HMCN1: variants seen among roughly 807,000 people sequenced by gnomAD.
The protein encoded by HMCN1 is hemicentin-1.
HMCN1 carries 321 observed loss-of-function variants against 625.9 expected under a neutral mutation model. That is an observed-to-expected ratio of 0.51 (90% confidence interval 0.47 to 0.56). The LOEUF (loss-of-function observed/expected upper bound fraction) is 0.56. Among genes scored for constraint, HMCN1 ranks in the 20% least tolerant of loss-of-function variants. The pLI is 0.00. For missense variants in HMCN1, 6,588 were observed against 6,887.3 expected (o/e 0.96, Z 1.54); for synonymous variants, 2,425 against 2,417.6 (o/e 1.00, Z -0.09).
At chr1:185,982,816 A>G (rs866047618) in intron 18 of HMCN1, among the ~76,000 whole-genome samples, 1 of 152,122 alleles carries the variant, frequency 6.6e-6, no homozygotes, top group Non-Finnish European at 1.5e-5. Context: ...ATATACAAAA[A>G]TATGTTTTTA....
intron 102 of HMCN1, among the ~76,000 whole-genome samples, chr1:186,173,012 C>G (rs753156586): frequency 6.6e-6 from 1 of 151,982 alleles, no homozygotes. Context: ...AGCAAGAAAG[C>G]CTTGTATAAG....
chr1:185,886,727 A>G (rs925997376), intron 4 of HMCN1, among the ~76,000 whole-genome samples: 3 of 152,054 alleles, frequency 2.0e-5, no homozygotes, highest in Non-Finnish European at 4.4e-5. Context: ...TCATCACTTC[A>G]CACCTGGATT....
intron 97 of HMCN1, among the ~76,000 whole-genome samples, chr1:186,156,403 G>A (rs1245232527): frequency 6.6e-6 from 1 of 152,134 alleles, no homozygotes; most frequent in Admixed American, 6.6e-5. Context: ...TCACAAAAGA[G>A]TAAATAATGA....
At chr1:185,829,325 G>A (rs1007679087) in intron 1 of HMCN1, among the ~76,000 whole-genome samples, 1 of 151,234 alleles carries the variant, frequency 6.6e-6, no homozygotes, top group Non-Finnish European at 1.5e-5. Context: ...TGTACAGAAC[G>A]TGCAGGTTTG....
intron 1 of HMCN1, among the ~76,000 whole-genome samples, chr1:185,767,312 T>A (rs1385405132): frequency 6.6e-6 from 1 of 152,218 alleles, no homozygotes; most frequent in African/African-American, 2.4e-5. Context: ...AGCAAAGGCA[T>A]GATATTGATC....
chr1:185,923,703 G>T (rs752099893), intron 8 of HMCN1, 50 bp downstream of exon 8: 1 of 1,449,824 alleles, frequency 6.9e-7, no homozygotes, highest in Admixed American at 1.7e-5. Flanking sequence ...TTAAGAGGGT[G>T]ATGTTGTCCC....
At position 186,151,417 on chromosome 1, in the gene HMCN1, A is replaced by C. The variant is rs906299500; in HGVS notation, c.14758+68A>C. On this transcript the variant is annotated intron_variant, in intron 94 of 106. Coordinates refer to ENST00000271588, the MANE Select transcript of HMCN1 (RefSeq NM_031935.3). ...ATTCTTCATCTTATTACTTCCATTAAAGTTCTAGAGAATGCTACTACTAAC... is the reference window on the plus strand; with the variant it reads ...ATTCTTCATCTTATTACTTCCATTACAGTTCTAGAGAATGCTACTACTAAC... 2.2e-5 allele frequency: 32 copies of C among 1,476,850 alleles called. 2 individuals carry two copies. The highest frequency in any genetic ancestry group is 1.5e-4 in the Admixed American group (9 of 58,998). 91.5% of individuals were successfully genotyped at this position (1,476,850 alleles called of 1,614,324 possible).
chr1:185,924,367 A>G (rs1667165262), intron 8 of HMCN1, among the ~76,000 whole-genome samples: 1 of 151,788 alleles, frequency 6.6e-6, no homozygotes, highest in Non-Finnish European at 1.5e-5. Context: ...AGTAGCTGGG[A>G]CTACAGGCGC....
At chr1:185,809,058 TG>T (rs1659347035) in intron 1 of HMCN1, among the ~76,000 whole-genome samples, 1 of 152,190 alleles carries the variant, frequency 6.6e-6, no homozygotes, top group African/African-American at 2.4e-5. Context: ...ACTTACCTAA[TG>T]ATAGTATTCG....
chr1:185,805,020 A>G (rs1032629428), intron 1 of HMCN1, among the ~76,000 whole-genome samples: 3 of 152,166 alleles, frequency 2.0e-5, no homozygotes, highest in Non-Finnish European at 4.4e-5. Context: ...GGAATTGTAC[A>G]CCTGACAGAT....
intron 4 of HMCN1, among the ~76,000 whole-genome samples, chr1:185,902,538 A>G (rs1370179599): frequency 6.6e-6 from 1 of 151,662 alleles, no homozygotes; most frequent in Non-Finnish European, 1.5e-5. Flanking sequence ...TATATGTGCA[A>G]TAGTGTTTTA....
chr1:186,123,423 A>T (rs1661494250), intron 81 of HMCN1, among the ~76,000 whole-genome samples: 1 of 152,114 alleles, frequency 6.6e-6, no homozygotes, highest in Admixed American at 6.6e-5. Flanking sequence ...GGTGTGTGAG[A>T]GAGAAAGACA....
chr1:185,911,659 T>C lies in HMCN1; in HGVS notation c.794-15T>C, dbSNP rs112199807. The C allele has an allele frequency of 1.9e-6, 3 of 1,549,316 alleles. No individual in the cohort carries two copies. The highest frequency in any genetic ancestry group is 2.7e-6 in the Non-Finnish European group (3 of 1,121,164). On this transcript the variant is annotated splice_polypyrimidine_tract_variant and intron_variant, in intron 5 of 106. Transcript: ENST00000271588. ...AGAAGGATTGTGCTTGTTACCTTTA[T>C]GTTCTGTCTTTCAGGGAAGCTGATA...
intron 100 of HMCN1, among the ~76,000 whole-genome samples, chr1:186,170,019 A>G (rs1255853792): frequency 6.6e-6 from 1 of 152,194 alleles, no homozygotes; most frequent in Non-Finnish European, 1.5e-5. Context: ...GGATATGAAC[A>G]GACACTTCTC....
In HMCN1 at chr1:185,977,574, T is replaced by A. The variant is rs114617286; in HGVS notation, c.2372-213T>A. Among the ~76,000 whole-genome samples the A allele has an allele frequency of 7.7e-4, 117 of 152,246 alleles. 1 individual carries two copies. The highest frequency in any genetic ancestry group is 5.8e-4 in the East Asian group (3 of 5,188). ...TTTATCATCTATCACCTTAAGGAAA[T>A]GGTTGGGCTTCTAAGTGTCTCTCTT... On this transcript the variant is annotated intron_variant, in intron 15 of 106. Transcript: ENST00000271588.
intron 11 of HMCN1, among the ~76,000 whole-genome samples, chr1:185,944,261 G>T (rs1462516819): frequency 6.6e-6 from 1 of 152,132 alleles, no homozygotes; most frequent in African/African-American, 2.4e-5. Flanking sequence ...TGCAAGCTAA[G>T]CTGTGAGTAC....
At position 185,962,468 on chromosome 1, in the gene HMCN1, A is replaced by G. The variant is rs377208997; in HGVS notation, c.1829-50A>G. 64 of 1,514,318 alleles carry G rather than the reference A, an allele frequency of 4.2e-5. 1 individual carries two copies. Among genetic ancestry groups the G allele is most frequent in the Non-Finnish European group, 5.7e-5 (62 of 1,089,540 alleles). 93.8% of individuals were successfully genotyped at this position (1,514,318 alleles called of 1,614,324 possible). ...AATCTGCTAACATAGGAAGCTTCTA[A>G]CATCAAGATAAATTGGCATTTTTCT... On this transcript the variant is annotated intron_variant, in intron 11 of 106. Coordinates refer to ENST00000271588, the MANE Select transcript of HMCN1 (RefSeq NM_031935.3).
At chr1:185,953,143 G>A (rs762740689) in intron 11 of HMCN1, among the ~76,000 whole-genome samples, 1 of 150,936 alleles carries the variant, frequency 6.6e-6, no homozygotes, top group Non-Finnish European at 1.5e-5. Context: ...AGGGGTTGAG[G>A]GGTACTGAGG....
Position 186,137,801 on chromosome 1 carries a change from G to T in HMCN1, c.13754-1G>T. The T allele has an allele frequency of 6.2e-7, 1 of 1,614,090 alleles. No homozygotes were observed. Among genetic ancestry groups the T allele is most frequent in the Non-Finnish European group, 8.5e-7 (1 of 1,179,984 alleles). The stretch of plus-strand genomic sequence containing the variant: ...TGGTGTAATGGTTCACCTTTGTATA[G>T]TGGATGGTAGCTGGTCGGAATGGAG... On this transcript the variant is annotated splice_acceptor_variant, in intron 88 of 106. Coordinates refer to ENST00000271588, the MANE Select transcript of HMCN1 (RefSeq NM_031935.3). LOFTEE classifies it high-confidence loss of function.
Sources: allele counts gnomAD v4.1 joint callset (sites outside exome capture counted in the v4.1 genomes callset), GRCh38; gene constraint gnomAD v4.1.1; transcripts MANE v1.5; gene names NCBI Gene and HGNC (gene_info 2026-07-23, HGNC 2026-07-21).